SPRR2F: variants seen among roughly 807,000 people sequenced by gnomAD.
The protein encoded by SPRR2F is small proline rich protein 2F.
A neutral mutation model predicts 0.8 loss-of-function variants in SPRR2F; 2 were observed. That is an observed-to-expected ratio of 2.52 (90% confidence interval 1.03 to 7.95). The LOEUF (loss-of-function observed/expected upper bound fraction) is 7.95. Ranked by LOEUF, SPRR2F falls within the 30% of genes most tolerant of loss-of-function variation. The probability of loss-of-function intolerance (pLI) is 0.04; values close to 1 mark genes in which losing one functional copy is unlikely to be tolerated. For missense variants in SPRR2F, 80 were observed against 85.8 expected (o/e 0.93, Z 0.27); for synonymous variants, 39 against 33.4 (o/e 1.17, Z -0.58).
upstream of SPRR2F, among the ~76,000 whole-genome samples, chr1:153,115,274 C>T (rs1655701153): frequency 6.6e-6 from 1 of 152,136 alleles, no homozygotes; most frequent in Non-Finnish European, 1.5e-5. Flanking sequence ...AAGTAAAGGG[C>T]CTTTATTCAA....
In SPRR2F at chr1:153,112,370, T is replaced by A; in HGVS notation, c.*145A>T. 7.0e-7 allele frequency: 1 copy of A among 1,420,110 alleles called. No individual in the cohort carries two copies. Among genetic ancestry groups the A allele is most frequent in the Non-Finnish European group, 9.5e-7 (1 of 1,051,904 alleles). 88.0% of individuals were successfully genotyped at this position (1,420,110 alleles called of 1,614,324 possible). A position where few individuals can be genotyped will look rare whatever the true frequency, so the allele number is the denominator to read the frequency against. On this transcript the variant is annotated 3_prime_UTR_variant, in exon 2 of 2. Transcript: ENST00000468739. ...AAAGAAAACCTTTTGCTATCAGAGA[T>A]CATCACAGGCCGATCACAGGCTAAG...
chr1:153,118,788 G>A, the SPRR2F span, among the ~76,000 whole-genome samples: 1 of 152,086 alleles, frequency 6.6e-6, no homozygotes, highest in Non-Finnish European at 1.5e-5. Flanking sequence ...AAAGGTCTCT[G>A]GTAAAAGTAC....
upstream of SPRR2F, among the ~76,000 whole-genome samples, chr1:153,114,186 T>C (rs1457427543): frequency 2.0e-5 from 3 of 151,708 alleles, no homozygotes; most frequent in Non-Finnish European, 4.4e-5. Context: ...TTCTCTCTCA[T>C]AGAACCCTGG....
At chr1:153,112,947 G>C (rs1655635167) in intron 1 of SPRR2F, among the ~76,000 whole-genome samples, 195 bp from the exon 2 acceptor site, 1 of 152,062 alleles carries the variant, frequency 6.6e-6, no homozygotes, top group African/African-American at 2.4e-5. Context: ...GAACTCTTGT[G>C]TTTTCTCATA....
upstream of SPRR2F, among the ~76,000 whole-genome samples, chr1:153,114,737 G>C (rs1339216925): frequency 2.0e-5 from 3 of 151,956 alleles, no homozygotes; most frequent in Non-Finnish European, 2.9e-5. Context: ...ACACCCCAAT[G>C]TACACCTCTC....
At chr1:153,114,515 T>G (rs1655680159), upstream of SPRR2F, among the ~76,000 whole-genome samples, 1 of 152,140 alleles carries the variant, frequency 6.6e-6, no homozygotes, top group Non-Finnish European at 1.5e-5. Flanking sequence ...TGTGAATAAT[T>G]AGAAGTAGGT....
chr1:153,117,553 G>A (rs1655741655), upstream of SPRR2F, among the ~76,000 whole-genome samples: 1 of 151,944 alleles, frequency 6.6e-6, no homozygotes, highest in Non-Finnish European at 1.5e-5. Flanking sequence ...TTAAATTTCA[G>A]TCTAAGTCCT....
At chr1:153,115,042 TG>T (rs1374554686), upstream of SPRR2F, among the ~76,000 whole-genome samples, 2 of 152,144 alleles carry the variant, frequency 1.3e-5, no homozygotes, top group Non-Finnish European at 2.9e-5. Context: ...GTAGGAGTGC[TG>T]AATCAACCCA....
At chr1:153,114,270 A>C (rs111925271), upstream of SPRR2F, among the ~76,000 whole-genome samples, 985 of 152,230 alleles carry the variant, frequency 6.5e-3, 15 homozygotes, top group African/African-American at 0.022. Context: ...CACCTGGGAC[A>C]GATTCCAGAG....
At chr1:153,113,160 C>G (rs1452292417) in intron 1 of SPRR2F, among the ~76,000 whole-genome samples, 15 of 152,154 alleles carry the variant, frequency 9.9e-5, no homozygotes, top group Admixed American at 8.5e-4. Flanking sequence ...ATTGCATGCT[C>G]TCACACCTGC....
upstream of SPRR2F, among the ~76,000 whole-genome samples, chr1:153,117,776 G>A (rs1655746289): frequency 2.6e-5 from 4 of 151,970 alleles, no homozygotes; most frequent in Non-Finnish European, 5.9e-5. Flanking sequence ...CTCCTCTTAA[G>A]AATCTTTTTA....
Position 153,112,378 on chromosome 1 carries a change from G to A in SPRR2F, c.*137C>T. 6.9e-7 allele frequency: 1 copy of A among 1,449,672 alleles called. No homozygotes were observed. The highest frequency in any genetic ancestry group is 9.3e-7 in the Non-Finnish European group (1 of 1,075,042). 89.8% of individuals were successfully genotyped at this position (1,449,672 alleles called of 1,614,324 possible). A position where few individuals can be genotyped will look rare whatever the true frequency, so the allele number is the denominator to read the frequency against. ...CCTTTTGCTATCAGAGATCATCACAGGCCGATCACAGGCTAAGAGGAAAGA... is the reference window on the plus strand; with the variant it reads ...CCTTTTGCTATCAGAGATCATCACAAGCCGATCACAGGCTAAGAGGAAAGA... On this transcript the variant is annotated 3_prime_UTR_variant, in exon 2 of 2. Coordinates refer to ENST00000468739, the MANE Select transcript of SPRR2F (RefSeq NM_001014450.3).
At chr1:153,117,843 T>C (rs1358412194), upstream of SPRR2F, among the ~76,000 whole-genome samples, 1 of 151,696 alleles carries the variant, frequency 6.6e-6, no homozygotes, top group East Asian at 1.9e-4. Flanking sequence ...CAAAAATAAA[T>C]AAAGGAAAGC....
At chr1:153,118,817 C>T in the SPRR2F span, among the ~76,000 whole-genome samples, 1 of 152,056 alleles carries the variant, frequency 6.6e-6, no homozygotes, top group Non-Finnish European at 1.5e-5. Flanking sequence ...ACGTAAAAGC[C>T]AGCATTATTG....
At chr1:153,115,398 C>T (rs1655704512), upstream of SPRR2F, among the ~76,000 whole-genome samples, 1 of 152,106 alleles carries the variant, frequency 6.6e-6, no homozygotes, top group South Asian at 2.1e-4. Context: ...AATGAGATCA[C>T]TGTGTAAGAT....
chr1:153,116,783 G>A (rs1014566858), upstream of SPRR2F, among the ~76,000 whole-genome samples: 5 of 152,138 alleles, frequency 3.3e-5, no homozygotes. Flanking sequence ...TCAGGAATGA[G>A]TTTGTCTACT....
intron 1 of SPRR2F, 93 bp from the exon 2 acceptor site, chr1:153,112,845 A>G (rs769172140): frequency 2.4e-5 from 37 of 1,540,382 alleles, no homozygotes; most frequent in Non-Finnish European, 3.1e-5. Flanking sequence ...TTATTTCTCC[A>G]ATCTCCAAGA....
chr1:153,116,970 G>A (rs1655733009), upstream of SPRR2F, among the ~76,000 whole-genome samples: 1 of 151,992 alleles, frequency 6.6e-6, no homozygotes, highest in Non-Finnish European at 1.5e-5. Context: ...AAAGTACTTA[G>A]TACATTATGT....
chr1:153,114,728 C>A (rs1453955632), upstream of SPRR2F, among the ~76,000 whole-genome samples: 2 of 152,194 alleles, frequency 1.3e-5, no homozygotes, highest in African/African-American at 4.8e-5. Context: ...TATCAAGTCA[C>A]ACCCCAATGT....
Sources: allele counts gnomAD v4.1 joint callset (sites outside exome capture counted in the v4.1 genomes callset), GRCh38; gene constraint gnomAD v4.1.1; transcripts MANE v1.5; gene names NCBI Gene and HGNC (gene_info 2026-07-23, HGNC 2026-07-21).